PCDH9: variants seen among roughly 807,000 people sequenced by gnomAD.
The protein encoded by PCDH9 is protocadherin 9.
PCDH9 carries 24 observed loss-of-function variants against 70.6 expected under a neutral mutation model. The observed-to-expected ratio is 0.34, with a 90% confidence interval of 0.25 to 0.48. The LOEUF is 0.48. Ranked by LOEUF, PCDH9 falls within the 20% of genes least tolerant of loss-of-function variation. The probability of loss-of-function intolerance (pLI) is 0.99; values close to 1 mark genes in which losing one functional copy is unlikely to be tolerated. For synonymous variants in PCDH9, 562 were observed against 558.5 expected (o/e 1.01, Z -0.09); for missense variants, 1,281 against 1,503.6 (o/e 0.85, Z 2.45).
At chr13:66,729,450 T>G (rs1389631968) in intron 3 of PCDH9, among the ~76,000 whole-genome samples, 1 of 152,184 alleles carries the variant, frequency 6.6e-6, no homozygotes, top group South Asian at 2.1e-4. Context: ...GACATGTTCA[T>G]AAATTGTAAA....
chr13:66,562,729 C>A (rs1292506870), intron 4 of PCDH9, among the ~76,000 whole-genome samples: 4 of 152,108 alleles, frequency 2.6e-5, no homozygotes. Flanking sequence ...GGAGACACAG[C>A]CAAATGGTAT....
intron 2 of PCDH9, among the ~76,000 whole-genome samples, chr13:66,908,544 C>T (rs2082402672): frequency 6.6e-6 from 1 of 152,046 alleles, no homozygotes; most frequent in Non-Finnish European, 1.5e-5. Context: ...CTTAGAACAC[C>T]CCCAATCATT....
At chr13:66,391,883 C>CATATATATATATATATAT (rs140840857) in intron 4 of PCDH9, among the ~76,000 whole-genome samples, 90 of 143,250 alleles carry the variant, frequency 6.3e-4, no homozygotes, top group African/African-American at 2.0e-3. Flanking sequence ...GCCATATATG[C>CATATATATATATATATAT]ATATATATAT....
intron 4 of PCDH9, among the ~76,000 whole-genome samples, chr13:66,581,362 G>A (rs999293455): frequency 6.6e-6 from 1 of 152,136 alleles, no homozygotes; most frequent in South Asian, 2.1e-4. Context: ...ATTTTGCTAT[G>A]TGAAGGTTTC....
rs575999659 is a variant in PCDH9 at position 66,464,012 on chromosome 13, G to T, written c.3341-158984C>A. Among the ~76,000 whole-genome samples the T allele has an allele frequency of 2.0e-5, 3 of 151,700 alleles. No individual in the cohort carries two copies. The South Asian group carries it at 6.2e-4, about 31-fold the overall frequency. ...AAAAATTTAAATTTAACTGATGCTA[G>T]AATTACACAGTATTTCTGTTTTACA... On this transcript the variant is annotated intron_variant, in intron 4 of 4. Transcript: ENST00000377865.
At chr13:67,030,913 G>A (rs1304712990) in intron 2 of PCDH9, among the ~76,000 whole-genome samples, 5 of 152,072 alleles carry the variant, frequency 3.3e-5, no homozygotes, top group Non-Finnish European at 7.4e-5. Context: ...TATTCATTCA[G>A]AGTAATCTAT....
At chr13:66,360,132 C>T (rs1956445173) in intron 4 of PCDH9, among the ~76,000 whole-genome samples, 1 of 152,042 alleles carries the variant, frequency 6.6e-6, no homozygotes, top group African/African-American at 2.4e-5. Context: ...AGCTACTGCA[C>T]AGTCTCCTTT....
At chr13:67,142,403 G>T (rs1260512394) in intron 2 of PCDH9, among the ~76,000 whole-genome samples, 1 of 152,034 alleles carries the variant, frequency 6.6e-6, no homozygotes, top group African/African-American at 2.4e-5. Flanking sequence ...TACCAATTAG[G>T]ACTTATAATT....
At chr13:66,494,021 A>T (rs1010599806) in intron 4 of PCDH9, among the ~76,000 whole-genome samples, 1 of 152,172 alleles carries the variant, frequency 6.6e-6, no homozygotes, top group Admixed American at 6.5e-5. Flanking sequence ...CATTTTTAAG[A>T]CTTATGAATT....
At position 66,836,897 on chromosome 13, in the gene PCDH9, C is replaced by T. The variant is rs549170368; in HGVS notation, c.3138+66607G>A. ...CAAAACTTTCCTATAAAATAGTCTA[C>T]CTCATGTAGTTCTACCAGAGGAATA... On this transcript the variant is annotated intron_variant, in intron 3 of 4. Transcript: ENST00000377865. Among the ~76,000 whole-genome samples the T allele has an allele frequency of 5.3e-5, 8 of 152,274 alleles. No individual in the cohort carries two copies. The East Asian group carries it at 1.5e-3, about 29-fold the overall frequency.
chr13:66,777,307 G>T (rs1017130070), intron 3 of PCDH9, among the ~76,000 whole-genome samples: 4 of 151,052 alleles, frequency 2.6e-5, no homozygotes, highest in Non-Finnish European at 4.5e-5. Flanking sequence ...AAGAGCTTCT[G>T]CACAGCAAAA....
At chr13:66,748,859 T>A (rs1319499349) in intron 3 of PCDH9, among the ~76,000 whole-genome samples, 1 of 152,172 alleles carries the variant, frequency 6.6e-6, no homozygotes, top group Non-Finnish European at 1.5e-5. Flanking sequence ...AAATCTCACC[T>A]TGAATTGTTA....
intron 4 of PCDH9, among the ~76,000 whole-genome samples, chr13:66,523,910 A>C (rs1960105692): frequency 6.6e-6 from 1 of 152,064 alleles, no homozygotes; most frequent in South Asian, 2.1e-4. Context: ...TAGTTTTATA[A>C]TGGGTTATAC....
At chr13:67,038,025 T>C (rs1286484769) in intron 2 of PCDH9, among the ~76,000 whole-genome samples, 2 of 152,044 alleles carry the variant, frequency 1.3e-5, no homozygotes, top group Non-Finnish European at 2.9e-5. Context: ...ATCATTGAAA[T>C]GAAAATAGAA....
intron 4 of PCDH9, among the ~76,000 whole-genome samples, chr13:66,569,903 C>T (rs12871384): frequency 0.17 from 26,158 of 152,002 alleles, 2,627 homozygotes; most frequent in Non-Finnish European, 0.22. Context: ...CACAATCACA[C>T]CCTTGGTTAT....
At chr13:67,187,613 T>G (rs2088792392) in intron 2 of PCDH9, among the ~76,000 whole-genome samples, 1 of 152,158 alleles carries the variant, frequency 6.6e-6, no homozygotes, top group Non-Finnish European at 1.5e-5. Flanking sequence ...TTATCACAGT[T>G]CTATGATTAT....
At chr13:66,891,544 C>A (rs924408871) in intron 3 of PCDH9, among the ~76,000 whole-genome samples, 21 of 152,010 alleles carry the variant, frequency 1.4e-4, no homozygotes, top group African/African-American at 4.6e-4. Context: ...GATGTTATGT[C>A]CTAAATACCT....
At chr13:66,706,377 C>T (rs577889883) in intron 3 of PCDH9, among the ~76,000 whole-genome samples, 3 of 152,258 alleles carry the variant, frequency 2.0e-5, no homozygotes, top group South Asian at 2.1e-4. Flanking sequence ...CAAATTTGGA[C>T]GAGTTCCTTA....
At chr13:66,409,779 C>T (rs1348378222) in intron 4 of PCDH9, among the ~76,000 whole-genome samples, 1 of 152,216 alleles carries the variant, frequency 6.6e-6, no homozygotes, top group Non-Finnish European at 1.5e-5. Flanking sequence ...ATGTTTGAGA[C>T]ATCTGTGCTC....
Sources: allele counts gnomAD v4.1 joint callset (sites outside exome capture counted in the v4.1 genomes callset), GRCh38; gene constraint gnomAD v4.1.1; transcripts MANE v1.5; gene names NCBI Gene and HGNC (gene_info 2026-07-23, HGNC 2026-07-21).